SNTG1: variants seen among roughly 807,000 people sequenced by gnomAD.
The protein encoded by SNTG1 is syntrophin gamma 1, also known as gamma-1-syntrophin.
In SNTG1, 39 loss-of-function variants were observed where a neutral mutation model predicts 74.7. That is an observed-to-expected ratio of 0.52 (90% confidence interval 0.40 to 0.68). The LOEUF (loss-of-function observed/expected upper bound fraction) is 0.68, where lower values mean the gene tolerates loss of function less well. Among genes scored for constraint, SNTG1 ranks in the 30% least tolerant of loss-of-function variants. The pLI, the probability that SNTG1 is intolerant of heterozygous loss-of-function variation, is 0.00. For synonymous variants in SNTG1, 254 were observed against 217.1 expected (o/e 1.17, Z -1.49); for missense variants, 685 against 609.5 (o/e 1.12, Z -1.30).
chr8:50,041,709 C>T (rs927972958), intron 1 of SNTG1, among the ~76,000 whole-genome samples: 3 of 152,150 alleles, frequency 2.0e-5, no homozygotes, highest in African/African-American at 4.8e-5. Context: ...GACAACATCC[C>T]CTTTTGATTC....
chr8:50,509,410 G>C (rs932311375), intron 9 of SNTG1, among the ~76,000 whole-genome samples: 3 of 152,196 alleles, frequency 2.0e-5, no homozygotes, highest in East Asian at 1.9e-4. Context: ...CTCTTTTTTG[G>C]TTCCACATGA....
intron 5 of SNTG1, among the ~76,000 whole-genome samples, chr8:50,440,094 A>G (rs920494250): frequency 6.6e-6 from 1 of 151,614 alleles, no homozygotes; most frequent in Admixed American, 6.6e-5. Context: ...AAACTATTGT[A>G]TATATAATAA....
Position 50,148,453 on chromosome 8 carries a change from A to C in SNTG1, c.-102-24108A>C, listed in dbSNP as rs140034402. 4.6e-5 allele frequency among the ~76,000 whole-genome samples: 7 copies of C among 152,332 alleles called. No homozygotes were observed. The East Asian group carries it at 1.2e-3, about 25-fold the overall frequency. On this transcript the variant is annotated intron_variant, in intron 1 of 18. Transcript: ENST00000642720. ...TTTAACTTCTAGGGTACATGTGCACAACGTGCAGGTTTGTTACATATGTAT... is the reference window on the plus strand; with the variant it reads ...TTTAACTTCTAGGGTACATGTGCACCACGTGCAGGTTTGTTACATATGTAT...
In SNTG1 at chr8:50,358,628, G is replaced by T. The variant is rs77266473; in HGVS notation, c.-27-35584G>T. Among the ~76,000 whole-genome samples the T allele has an allele frequency of 4.4e-3, 671 of 152,262 alleles. 1 individual carries two copies. The highest frequency in any genetic ancestry group is 6.5e-3 in the Non-Finnish European group (445 of 68,016). ...AATTTCATTTCAAGAAGTGTCTAATGATTATCTGGATAATTTTCATAACTA... is the reference window on the plus strand; with the variant it reads ...AATTTCATTTCAAGAAGTGTCTAATTATTATCTGGATAATTTTCATAACTA... On this transcript the variant is annotated intron_variant, in intron 2 of 18. Coordinates refer to ENST00000642720, the MANE Select transcript of SNTG1 (RefSeq NM_018967.5).
intron 15 of SNTG1, among the ~76,000 whole-genome samples, chr8:50,701,728 TTCTTTTTCTTTTTCTTCTCC>T: frequency 1.0e-5 from 1 of 98,368 alleles, no homozygotes; most frequent in South Asian, 4.8e-4. Flanking sequence ...CTTTTTCTTC[TTCTTTTTCTTTTTCTTCTCC>T]TTCTTCTCCT....
At chr8:50,454,829 T>TAAAAAAAAAAA (rs1158732952) in intron 8 of SNTG1, among the ~76,000 whole-genome samples, 5 of 95,146 alleles carry the variant, frequency 5.3e-5, no homozygotes, top group African/African-American at 1.7e-4. Context: ...CAGACAGAGC[T>TAAAAAAAAAAA]AAAAAAAAAA....
intron 1 of SNTG1, among the ~76,000 whole-genome samples, chr8:50,160,700 T>C (rs757628591): frequency 6.6e-6 from 1 of 152,202 alleles, no homozygotes; most frequent in Non-Finnish European, 1.5e-5. Flanking sequence ...TAGCTAATTA[T>C]TGCCTTATAA....
intron 1 of SNTG1, among the ~76,000 whole-genome samples, chr8:50,062,769 C>T (rs1005974267): frequency 1.3e-5 from 2 of 152,148 alleles, no homozygotes; most frequent in Admixed American, 6.6e-5. Context: ...TTAATGTATA[C>T]ATTTACATAT....
chr8:50,717,494 G>T (rs1033501188), intron 17 of SNTG1, among the ~76,000 whole-genome samples: 1 of 152,150 alleles, frequency 6.6e-6, no homozygotes, highest in Non-Finnish European at 1.5e-5. Context: ...ATAATAAACT[G>T]TAAAACATAA....
At chr8:50,536,104 A>G (rs1307856047) in intron 10 of SNTG1, among the ~76,000 whole-genome samples, 1 of 152,220 alleles carries the variant, frequency 6.6e-6, no homozygotes, top group East Asian at 1.9e-4. Context: ...TTGATATGCA[A>G]TTAAAACAAC....
chr8:50,097,359 A>T (rs1024146392), intron 1 of SNTG1, among the ~76,000 whole-genome samples: 2 of 152,188 alleles, frequency 1.3e-5, no homozygotes, highest in Non-Finnish European at 2.9e-5. Context: ...GTTTTAAACA[A>T]ATGTAGCTTT....
rs1488741544 is a variant in SNTG1, at chr8:50,794,027, A to G, written c.*1198A>G. On this transcript the variant is annotated 3_prime_UTR_variant, in exon 19 of 19. Transcript: ENST00000642720. ...GAGGTGTGCAATTTACTCAGATTCCAGGTATTATTCAACTAGTTGTATAAC... is the reference window on the plus strand; with the variant it reads ...GAGGTGTGCAATTTACTCAGATTCCGGGTATTATTCAACTAGTTGTATAAC... The G allele has an allele frequency of 6.6e-6, 1 of 151,826 alleles. No individual in the cohort carries two copies. Among genetic ancestry groups the G allele is most frequent in the African/African-American group, 2.4e-5 (1 of 41,380 alleles). 9.4% of individuals were successfully genotyped at this position (151,826 alleles called of 1,614,324 possible).
intron 17 of SNTG1, among the ~76,000 whole-genome samples, chr8:50,726,101 T>C (rs1585646934): frequency 6.6e-6 from 1 of 152,200 alleles, no homozygotes; most frequent in Admixed American, 6.5e-5. Flanking sequence ...TGTACAAATA[T>C]AATTTCCATT....
At chr8:50,535,008 A>G (rs150323126) in intron 10 of SNTG1, among the ~76,000 whole-genome samples, 92 of 152,284 alleles carry the variant, frequency 6.0e-4, no homozygotes, top group African/African-American at 2.0e-3. Flanking sequence ...TCTCGAGAAT[A>G]TAATATTTGA....
At chr8:50,599,114 G>T (rs1311196596) in intron 13 of SNTG1, among the ~76,000 whole-genome samples, 1 of 151,946 alleles carries the variant, frequency 6.6e-6, no homozygotes, top group African/African-American at 2.4e-5. Context: ...ATTGATTGAA[G>T]AGACTGTCAT....
chr8:50,175,139 T>C (rs145679771), intron 2 of SNTG1, among the ~76,000 whole-genome samples: 18 of 152,258 alleles, frequency 1.2e-4, no homozygotes, highest in African/African-American at 4.1e-4. Context: ...TGGTTCCAAG[T>C]CGTTGCTATC....
intron 8 of SNTG1, among the ~76,000 whole-genome samples, chr8:50,469,097 G>A (rs1046867731): frequency 6.6e-6 from 1 of 152,092 alleles, no homozygotes; most frequent in African/African-American, 2.4e-5. Context: ...TCCTTTGCTT[G>A]TGTGTATCTG....
At chr8:50,215,369 T>G (rs2084730989) in intron 2 of SNTG1, among the ~76,000 whole-genome samples, 1 of 148,434 alleles carries the variant, frequency 6.7e-6, no homozygotes, top group Non-Finnish European at 1.5e-5. Flanking sequence ...CATAGAGAAA[T>G]GTGTATATAA....
At chr8:49,952,722 A>G (rs2129393571) in intron 1 of SNTG1, among the ~76,000 whole-genome samples, 1 of 152,360 alleles carries the variant, frequency 6.6e-6, no homozygotes, top group East Asian at 1.9e-4. Context: ...ACATGACAGT[A>G]ATGTAGATGT....
Sources: gnomAD v4.1 joint callset for allele counts (sites outside exome capture counted in the v4.1 genomes callset) on GRCh38, gnomAD v4.1.1 for gene constraint, MANE v1.5 for transcripts, NCBI Gene and HGNC (gene_info 2026-07-23, HGNC 2026-07-21) for gene names.